Variants in SEMA4B observed in about 807,000 individuals in gnomAD.
SEMA4B encodes semaphorin 4B.
Under a neutral mutation model 88.1 loss-of-function variants are expected in SEMA4B, and 55 were observed. The ratio of observed to expected loss-of-function variants is 0.62; its 90% CI spans 0.50 to 0.78. SEMA4B has a LOEUF of 0.78. Ranked by LOEUF, SEMA4B falls within the 30% of genes least tolerant of loss-of-function variation. The pLI is 0.00. For missense variants in SEMA4B, 1,062 were observed against 1,111.9 expected (o/e 0.96, Z 0.64); for synonymous variants, 525 against 473.6 (o/e 1.11, Z -1.41).
intron 1 of SEMA4B, among the ~76,000 whole-genome samples, chr15:90,185,699 G>T (rs1960144113): frequency 6.6e-6 from 1 of 152,160 alleles, no homozygotes; most frequent in Non-Finnish European, 1.5e-5. Flanking sequence ...TCCTCTAAAG[G>T]TTGAAATGCC....
intron 3 of SEMA4B, chr15:90,219,560 A>G (rs371892540): frequency 1.9e-6 from 1 of 529,818 alleles, no homozygotes. Flanking sequence ...GCCGAAGGAA[A>G]GTTTGCCAGT....
chr15:90,228,048 C>T lies in SEMA4B; in HGVS notation c.1919C>T (p.Thr640Ile). 6.2e-7 allele frequency: 1 copy of T among 1,613,840 alleles called. No individual in the cohort carries two copies. The highest frequency in any genetic ancestry group is 8.5e-7 in the Non-Finnish European group (1 of 1,179,832). The change falls in exon 14 of 14, where the codon ACT (threonine) becomes ATT (isoleucine). Residue 640 changes from threonine (T) to isoleucine (I), a missense_variant. Physicochemically the swap from Thr to Ile is moderately conservative, Grantham distance 89 (BLOSUM62 -1). Coordinates refer to ENST00000411539, the MANE Select transcript of SEMA4B (RefSeq NM_198925.4). ...NASASCHVLPTGDLLLVGTQQ... is the reference protein window; with the variant it reads ...NASASCHVLPIGDLLLVGTQQ... ...TCGGCCTCCTGCCACGTGCTACCCA[C>T]TGGGGACCTGCTGCTGGTGGGCACC...
Position 90,228,722 on chromosome 15 carries a change from C to T in SEMA4B, c.*79C>T. On this transcript the variant is annotated 3_prime_UTR_variant, in exon 14 of 14. Coordinates refer to ENST00000411539, the MANE Select transcript of SEMA4B (RefSeq NM_198925.4). ...GAGGGTCAACTGGACCTCCCCTCCG[C>T]TCTGCTCTTCGTGGAACACGACCGT... The T allele has an allele frequency of 1.3e-6, 2 of 1,563,630 alleles. No homozygotes were observed. Among genetic ancestry groups the T allele is most frequent in the Non-Finnish European group, 1.7e-6 (2 of 1,148,900 alleles).
intron 1 of SEMA4B, chr15:90,217,224 GTA>G (rs1299699889): frequency 3.9e-6 from 2 of 514,018 alleles, no homozygotes; most frequent in Non-Finnish European, 6.9e-6. Context: ...AAGTATCCTT[GTA>G]CATACATCTC....
Position 90,212,625 on chromosome 15 carries a change from A to G in SEMA4B, c.158-4814A>G, listed in dbSNP as rs538567792. On this transcript the variant is annotated intron_variant, in intron 1 of 13. Coordinates refer to ENST00000411539, the MANE Select transcript of SEMA4B (RefSeq NM_198925.4). The surrounding 1 kb of genome is among the most constrained non-coding windows in gnomAD (Gnocchi z 4.0). ...TAGGAGTGAGTGCGCAAGCGTGGAC[A>G]AGCCCTGCGGTACCGTGTACACACA... 6.8e-6 allele frequency among the ~76,000 whole-genome samples: 1 copy of G among 147,560 alleles called. No homozygotes were observed. The highest frequency in any genetic ancestry group is 2.5e-5 in the African/African-American group (1 of 40,422).
chr15:90,186,122 C>T (rs1322637521), intron 1 of SEMA4B, among the ~76,000 whole-genome samples: 1 of 151,722 alleles, frequency 6.6e-6, no homozygotes, highest in Non-Finnish European at 1.5e-5. Flanking sequence ...TTAGTAGAGA[C>T]AGGGTTTCAC....
At chr15:90,187,979 TG>T (rs1215909052) in intron 1 of SEMA4B, among the ~76,000 whole-genome samples, 1 of 144,012 alleles carries the variant, frequency 6.9e-6, no homozygotes, top group African/African-American at 2.6e-5. Context: ...CACTCCAGCC[TG>T]GGTGACAGAA....
Position 90,229,588 on chromosome 15 carries a change from T to A in SEMA4B, c.*945T>A, listed in dbSNP as rs1962401254. 2.9e-6 allele frequency: 1 copy of A among 339,900 alleles called. No individual in the cohort carries two copies. The highest frequency in any genetic ancestry group is 5.8e-6 in the Non-Finnish European group (1 of 172,058). The allele number at this position is 339,900 out of a possible 1,614,324, so 21.1% of individuals were successfully genotyped here. A position where few individuals can be genotyped will look rare whatever the true frequency, so the allele number is the denominator to read the frequency against. On this transcript the variant is annotated 3_prime_UTR_variant, in exon 14 of 14. Coordinates refer to ENST00000411539, the MANE Select transcript of SEMA4B (RefSeq NM_198925.4). ...CCAGCACAGGGGCCCTGAATTTATG[T>A]GGTTTTTATACATTTTTTAATAAGA...
chr15:90,211,008 G>GCTC (rs1452053796), intron 1 of SEMA4B, among the ~76,000 whole-genome samples: 3 of 152,214 alleles, frequency 2.0e-5, no homozygotes, highest in Non-Finnish European at 2.9e-5. Context: ...GGTCTCTGAG[G>GCTC]AGATGGGGTG....
chr15:90,201,699 A>T lies in SEMA4B; in HGVS notation c.121A>T (p.Thr41Ser). The T allele has an allele frequency of 6.7e-7, 1 of 1,501,664 alleles. No homozygotes were observed. The highest frequency in any genetic ancestry group is 8.8e-7 in the Non-Finnish European group (1 of 1,131,392). The allele number at this position is 1,501,664 out of a possible 1,614,324, so 93.0% of individuals were successfully genotyped here. A position where few individuals can be genotyped will look rare whatever the true frequency, so the allele number is the denominator to read the frequency against. ...LLLLLQPPPP[T>S]WALSPRISLP... Reference sequence around the variant, plus strand: ...GCTCCTGCTGCAGCCGCCGCCTCCGACCTGGGCGCTCAGCCCCCGGATCAG... The same window carrying T: ...GCTCCTGCTGCAGCCGCCGCCTCCGTCCTGGGCGCTCAGCCCCCGGATCAG... Residue 41 changes from threonine (T) to serine (S), a missense_variant, in exon 1 of 14, where the codon ACC becomes TCC. Coordinates refer to ENST00000411539, the MANE Select transcript of SEMA4B (RefSeq NM_198925.4).
At chr15:90,215,035 G>C (rs935206309) in intron 1 of SEMA4B, 4 of 1,245,884 alleles carry the variant, frequency 3.2e-6, no homozygotes, top group East Asian at 6.1e-5. Context: ...CCTCAGCTTC[G>C]TGAGACTGTT....
intron 1 of SEMA4B, 128 bp from the exon 2 acceptor site, chr15:90,217,311 G>A: frequency 1.2e-6 from 1 of 857,076 alleles, no homozygotes; most frequent in Non-Finnish European, 1.8e-6. Flanking sequence ...CCTGCCCCCA[G>A]CCCCTTGCCA....
chr15:90,219,608 A>G, intron 3 of SEMA4B, 185 bp from the exon 4 acceptor site: 1 of 581,972 alleles, frequency 1.7e-6, no homozygotes, highest in Non-Finnish European at 3.0e-6. Flanking sequence ...CCTGCAGCAC[A>G]CACACTCTGT....
upstream of SEMA4B, chr15:90,184,929 G>T: frequency 1.6e-5 from 16 of 985,814 alleles, no homozygotes; most frequent in Non-Finnish European, 1.9e-5. Context: ...CATTTCCGGG[G>T]ACGCCGCGCC....
rs577603613 is a variant in SEMA4B at position 90,228,961 on chromosome 15, A to G, written c.*318A>G. 8 of 462,040 alleles carry G rather than the reference A, an allele frequency of 1.7e-5. No homozygotes were observed. Among genetic ancestry groups the G allele is most frequent in the African/African-American group, 5.9e-5 (3 of 50,524 alleles). 28.6% of individuals were successfully genotyped at this position (462,040 alleles called of 1,614,324 possible). ...AAATGTGAAACTAGAATGAGAGGGA[A>G]GAGATAGCATGGCATGCAGCACACA... On this transcript the variant is annotated 3_prime_UTR_variant, in exon 14 of 14. Coordinates refer to ENST00000411539, the MANE Select transcript of SEMA4B (RefSeq NM_198925.4).
chr15:90,221,291 G>T, intron 5 of SEMA4B, 76 bp from the exon 6 acceptor site: 1 of 1,328,156 alleles, frequency 7.5e-7, no homozygotes, highest in Non-Finnish European at 1.1e-6. Flanking sequence ...GGCAGTGCTG[G>T]GGTCACTCTG....
rs1188288592 is a variant in SEMA4B at position 90,221,782 on chromosome 15, G to A, written c.861+17G>A. 1.2e-6 allele frequency: 2 copies of A among 1,611,960 alleles called. No individual in the cohort carries two copies. The highest frequency in any genetic ancestry group is 1.7e-5 in the Admixed American group (1 of 59,778). The stretch of plus-strand genomic sequence containing the variant: ...ATCTGCAAGGTGAGGGGAACGGGCT[G>A]ACAGGGTGGCCACCCCAGGGACCTC... On this transcript the variant is annotated intron_variant, in intron 7 of 13. Coordinates refer to ENST00000411539, the MANE Select transcript of SEMA4B (RefSeq NM_198925.4).
intron 1 of SEMA4B, chr15:90,206,956 T>A: frequency 1.7e-6 from 1 of 595,104 alleles, no homozygotes; most frequent in Non-Finnish European, 3.0e-6. Flanking sequence ...GAACTTCTAA[T>A]GCAAGAAATG....
At chr15:90,187,061 G>A (rs1347917875) in intron 1 of SEMA4B, among the ~76,000 whole-genome samples, 1 of 152,244 alleles carries the variant, frequency 6.6e-6, no homozygotes, top group Non-Finnish European at 1.5e-5. Context: ...TCTCCCCGCT[G>A]CATGGGTCTT....
Sources: gnomAD v4.1 joint callset for allele counts (sites outside exome capture counted in the v4.1 genomes callset) on GRCh38, gnomAD v4.1.1 for gene constraint, Gnocchi (gnomAD v3.1) non-coding constraint, MANE v1.5 for transcripts, NCBI Gene and HGNC (gene_info 2026-07-23, HGNC 2026-07-21) for gene names.